RANBP17: variants seen among roughly 807,000 people sequenced by gnomAD.
RANBP17 encodes the protein RAN binding protein 17.
Under a neutral mutation model 141.2 loss-of-function variants are expected in RANBP17, and 158 were observed. That is an observed-to-expected ratio of 1.12 (90% CI 0.98 to 1.28). The LOEUF is 1.28. Among genes scored for constraint, RANBP17 ranks in the 50% most tolerant of loss-of-function variants. The pLI, the probability that RANBP17 is intolerant of heterozygous loss-of-function variation, is 0.00. For synonymous variants in RANBP17, 430 were observed against 450.0 expected (o/e 0.96, Z 0.56); for missense variants, 1,438 against 1,290.7 (o/e 1.11, Z -1.75).
At chr5:171,252,279 T>C in intron 24 of RANBP17, 2 of 1,551,362 alleles carry the variant, frequency 1.3e-6, no homozygotes. Flanking sequence ...TACCTAATGG[T>C]AATATTAATA....
At position 170,986,709 on chromosome 5, in the gene RANBP17, A is replaced by T. The variant is rs575034818; in HGVS notation, c.1710+18332A>T. 3.7e-3 allele frequency among the ~76,000 whole-genome samples: 560 copies of T among 151,994 alleles called. 3 individuals carry two copies. Among genetic ancestry groups the T allele is most frequent in the South Asian group, 0.024 (116 of 4,828 alleles). On this transcript the variant is annotated intron_variant, in intron 14 of 27. Transcript: ENST00000523189. Reference sequence around the variant, plus strand: ...TTTCAAGCTTTATCTGTGTATATGGATTTCTAAATTGTTTTGTGTAATTAC... The same window carrying T: ...TTTCAAGCTTTATCTGTGTATATGGTTTTCTAAATTGTTTTGTGTAATTAC...
chr5:171,026,612 T>C (rs1781249925), intron 14 of RANBP17, among the ~76,000 whole-genome samples: 1 of 152,240 alleles, frequency 6.6e-6, no homozygotes, highest in African/African-American at 2.4e-5. Context: ...TGAGTGTTTC[T>C]TAGATTACCA....
At chr5:170,954,187 A>G (rs1456277190) in intron 13 of RANBP17, among the ~76,000 whole-genome samples, 1 of 152,194 alleles carries the variant, frequency 6.6e-6, no homozygotes, top group Non-Finnish European at 1.5e-5. Context: ...GATTTTCCAT[A>G]TATTTTAATT....
At chr5:170,963,961 A>G (rs1776334505) in intron 13 of RANBP17, among the ~76,000 whole-genome samples, 2 of 152,242 alleles carry the variant, frequency 1.3e-5, no homozygotes, top group African/African-American at 4.8e-5. Context: ...GGATATGAGC[A>G]AACGGGTCAC....
intron 12 of RANBP17, among the ~76,000 whole-genome samples, chr5:170,940,365 A>G (rs1400823630): frequency 6.6e-6 from 1 of 152,218 alleles, no homozygotes; most frequent in Non-Finnish European, 1.5e-5. Flanking sequence ...AAATGCTCCA[A>G]AATTTAAAAC....
chr5:170,918,989 T>C, intron 10 of RANBP17, 130 bp downstream of exon 10: 1 of 486,418 alleles, frequency 2.1e-6, no homozygotes, highest in Non-Finnish European at 3.3e-6. Context: ...ATTACAGGGT[T>C]TTAGGTAAAA....
intron 12 of RANBP17, among the ~76,000 whole-genome samples, chr5:170,935,201 C>T (rs1013739017): frequency 4.6e-5 from 7 of 152,160 alleles, no homozygotes; most frequent in Admixed American, 6.5e-5. Context: ...GTTAGCCATT[C>T]GTCTACTCTT....
At chr5:171,001,823 G>A (rs536284464) in intron 14 of RANBP17, among the ~76,000 whole-genome samples, 3 of 152,220 alleles carry the variant, frequency 2.0e-5, no homozygotes, top group African/African-American at 4.8e-5. Context: ...AGGCAAAACC[G>A]AGGAATTACG....
intron 14 of RANBP17, among the ~76,000 whole-genome samples, chr5:171,074,478 T>A (rs4533909): frequency 0.6 from 91,067 of 151,818 alleles, 29,052 homozygotes; most frequent in South Asian, 0.88. Flanking sequence ...GTTAATAATA[T>A]TATTGTACCA....
intron 6 of RANBP17, 70 bp from the exon 7 acceptor site, chr5:170,910,899 T>A (rs1409258460): frequency 1.0e-5 from 15 of 1,440,178 alleles, no homozygotes; most frequent in African/African-American, 1.4e-5. Context: ...TGAAAAATTA[T>A]TTTAATTCAT....
chr5:170,983,525 T>A (rs1777914676), intron 14 of RANBP17, among the ~76,000 whole-genome samples: 1 of 152,104 alleles, frequency 6.6e-6, no homozygotes, highest in Non-Finnish European at 1.5e-5. Flanking sequence ...ATGTGAAAAA[T>A]TCTTATATCA....
intron 14 of RANBP17, among the ~76,000 whole-genome samples, chr5:171,147,766 G>C (rs184039912): frequency 5.3e-5 from 8 of 152,054 alleles, no homozygotes; most frequent in African/African-American, 7.2e-5. Flanking sequence ...AATCTCAGGT[G>C]GGGGGGTCAG....
intron 13 of RANBP17, among the ~76,000 whole-genome samples, chr5:170,954,324 C>T (rs1046516782): frequency 2.6e-5 from 4 of 151,826 alleles, no homozygotes; most frequent in Non-Finnish European, 4.4e-5. Context: ...TTGTAAAGTC[C>T]GTTTGAGTCT....
intron 18 of RANBP17, among the ~76,000 whole-genome samples, chr5:171,194,706 T>G (rs1288924290): frequency 6.6e-6 from 1 of 152,222 alleles, no homozygotes; most frequent in African/African-American, 2.4e-5. Flanking sequence ...TATTTACAGT[T>G]TTCTTGGGTA....
intron 2 of RANBP17, 55 bp downstream of exon 2, chr5:170,878,298 G>A: frequency 7.1e-7 from 1 of 1,414,520 alleles, no homozygotes; most frequent in Non-Finnish European, 9.5e-7. Context: ...GTATGTCATT[G>A]TTAATGAACT....
intron 24 of RANBP17, among the ~76,000 whole-genome samples, chr5:171,264,244 A>G (rs997907039): frequency 6.6e-6 from 1 of 152,164 alleles, no homozygotes; most frequent in Non-Finnish European, 1.5e-5. Context: ...GGACTCAGGT[A>G]GAAGGAAGGT....
At chr5:170,921,166 A>G (rs562894003) in intron 11 of RANBP17, among the ~76,000 whole-genome samples, 40 of 152,154 alleles carry the variant, frequency 2.6e-4, no homozygotes, top group Non-Finnish European at 4.6e-4. Flanking sequence ...GTCCTTGCCC[A>G]TGCCTATGTC....
chr5:171,016,999 C>T (rs372093899), intron 14 of RANBP17, among the ~76,000 whole-genome samples: 5 of 146,380 alleles, frequency 3.4e-5, no homozygotes, highest in African/African-American at 1.3e-4. Flanking sequence ...TGAGAGCATT[C>T]GGTGTTTGGT....
At chr5:171,080,221 T>C (rs1159709040) in intron 14 of RANBP17, among the ~76,000 whole-genome samples, 1 of 144,606 alleles carries the variant, frequency 6.9e-6, no homozygotes, top group Non-Finnish European at 1.5e-5. Flanking sequence ...TAGTGATATA[T>C]TATCTTACAT....
Sources: gnomAD v4.1 joint callset for allele counts (sites outside exome capture counted in the v4.1 genomes callset) on GRCh38, gnomAD v4.1.1 for gene constraint, MANE v1.5 for transcripts, NCBI Gene and HGNC (gene_info 2026-07-23, HGNC 2026-07-21) for gene names.